Variants in ABCG1 observed in about 807,000 individuals in gnomAD.
ABCG1 encodes ATP binding cassette subfamily G member 1.
Under a neutral mutation model 69.2 loss-of-function variants are expected in ABCG1, and 29 were observed. The ratio of observed to expected loss-of-function variants is 0.42; its 90% CI spans 0.31 to 0.57. The LOEUF is 0.57. Ranked by LOEUF, ABCG1 falls within the 20% of genes least tolerant of loss-of-function variation. ABCG1 has a pLI of 0.15. For synonymous variants in ABCG1, 370 were observed against 374.8 expected (o/e 0.99, Z 0.15); for missense variants, 718 against 898.1 (o/e 0.80, Z 2.56).
chr21:42,250,469 G>A (rs1024451102), intron 2 of ABCG1, among the ~76,000 whole-genome samples: 1 of 152,198 alleles, frequency 6.6e-6, no homozygotes, highest in East Asian at 1.9e-4. Flanking sequence ...ATAGGCAGCC[G>A]CATGCAGTGG....
At chr21:42,201,738 G>T in intron 2 of ABCG1, 1 of 1,613,816 alleles carries the variant, frequency 6.2e-7, no homozygotes, top group Non-Finnish European at 8.5e-7. Flanking sequence ...GGTCAGAAGA[G>T]ACAGGGAAGG....
chr21:42,213,291 C>T (rs142121166), upstream of ABCG1, among the ~76,000 whole-genome samples: 209 of 152,360 alleles, frequency 1.4e-3, no homozygotes, highest in African/African-American at 4.7e-3. Context: ...TGCAGGACCT[C>T]GGCACCTGCT....
rs375311185 is a variant in ABCG1 at position 42,248,817 on chromosome 21, C to G, written c.287-22253C>G. ...AGTTACTTGGGGGGCTGAGGGAGGA[C>G]TTTTTGAGCCAGGGAGATTGAGGTT... On this transcript the variant is annotated intron_variant, in intron 2 of 14. Coordinates refer to ENST00000398449, the MANE Select transcript of ABCG1 (RefSeq NM_016818.3). Among the ~76,000 whole-genome samples the G allele has an allele frequency of 9.5e-5, 14 of 147,400 alleles. 1 individual carries two copies. The highest frequency in any genetic ancestry group is 2.1e-4 in the Admixed American group (3 of 14,486).
chr21:42,259,544 G>T, intron 2 of ABCG1: 4 of 1,526,360 alleles, frequency 2.6e-6, no homozygotes, highest in Non-Finnish European at 3.5e-6. Flanking sequence ...GTCATCATGT[G>T]GGCCCTCAGG....
At chr21:42,218,013 C>G (rs892346948), upstream of ABCG1, among the ~76,000 whole-genome samples, 4 of 152,086 alleles carry the variant, frequency 2.6e-5, no homozygotes, top group Non-Finnish European at 4.4e-5. Flanking sequence ...GCAAGGCCTC[C>G]CACTTAAACT....
upstream of ABCG1, among the ~76,000 whole-genome samples, chr21:42,212,808 C>A (rs768327734): frequency 1.4e-4 from 22 of 151,868 alleles, no homozygotes; most frequent in Non-Finnish European, 2.4e-4. Flanking sequence ...ATTCTCCTGC[C>A]TCAGCCTCCC....
chr21:42,233,987 T>C lies in ABCG1; in HGVS notation c.286+8073T>C, dbSNP rs181459392. The stretch of plus-strand genomic sequence containing the variant: ...CAGGAGTTTTTATGGGATTTCTCAG[T>C]TGTTATTTCTCTCCTCCCACTGTTT... On this transcript the variant is annotated intron_variant, in intron 2 of 14. Transcript: ENST00000398449. 2.4e-3 allele frequency among the ~76,000 whole-genome samples: 361 copies of C among 152,238 alleles called. 2 individuals carry two copies. The highest frequency in any genetic ancestry group is 8.2e-3 in the African/African-American group (342 of 41,470).
chr21:42,288,760 G>A lies in ABCG1; in HGVS notation c.1224+448G>A, dbSNP rs1330001841. ...GGGAAAGGGAAAGGGAGAAAGGAAG[G>A]GAAGGGAAGGAAAGGAAAGGAAAAA... On this transcript the variant is annotated intron_variant, in intron 10 of 14. Coordinates refer to ENST00000398449, the MANE Select transcript of ABCG1 (RefSeq NM_016818.3). This position sits in a 1 kb window ranked among gnomAD's most constrained non-coding sequence, Gnocchi z 4.8. Among the ~76,000 whole-genome samples, 1 of 151,588 alleles carries A rather than the reference G, an allele frequency of 6.6e-6. No homozygotes were observed. The highest frequency in any genetic ancestry group is 1.5e-5 in the Non-Finnish European group (1 of 67,828).
chr21:42,285,781 T>C (rs986762765), intron 7 of ABCG1, 99 bp from the exon 8 acceptor site: 10 of 824,066 alleles, frequency 1.2e-5, no homozygotes, highest in Non-Finnish European at 1.9e-5. Context: ...GGCTGACTGA[T>C]TGATCGGTTG....
At chr21:42,256,918 C>T (rs991054404) in intron 2 of ABCG1, among the ~76,000 whole-genome samples, 3 of 152,240 alleles carry the variant, frequency 2.0e-5, no homozygotes, top group African/African-American at 7.2e-5. Context: ...CTCTTGCCGT[C>T]CTTCTCACAT....
chr21:42,219,016 C>G, upstream of ABCG1: 1 of 234,134 alleles, frequency 4.3e-6, no homozygotes. The surrounding 1 kb of genome is among the most constrained non-coding windows in gnomAD (Gnocchi z 5.3). Flanking sequence ...GTCCGCCGCC[C>G]CCAGCAGGAG....
intron 2 of ABCG1, among the ~76,000 whole-genome samples, chr21:42,210,301 G>A (rs1384596521): frequency 6.6e-6 from 1 of 152,166 alleles, no homozygotes; most frequent in South Asian, 2.1e-4. Flanking sequence ...TTGACCACAC[G>A]GAGTCAGGGG....
At chr21:42,256,531 T>C in intron 2 of ABCG1, 4 of 1,549,102 alleles carry the variant, frequency 2.6e-6, no homozygotes, top group Non-Finnish European at 3.5e-6. Flanking sequence ...TGATGAGAAA[T>C]AATGTCACAA....
In ABCG1 at chr21:42,219,751, T is replaced by A. The variant is rs1235915030; in HGVS notation, c.42+447T>A. On this transcript the variant is annotated intron_variant, in intron 1 of 14. Coordinates refer to ENST00000398449, the MANE Select transcript of ABCG1 (RefSeq NM_016818.3). This position sits in a 1 kb window ranked among gnomAD's most constrained non-coding sequence, Gnocchi z 5.3. ...TGTGGGCTTGGGGACCGGGGACTTC[T>A]CGCGCCATCCCCAGGAACGCCAGGC... is the stretch of plus-strand genomic sequence containing the variant. The A allele has an allele frequency of 7.5e-7, 1 of 1,340,650 alleles. No homozygotes were observed. The highest frequency in any genetic ancestry group is 1.5e-5 in the South Asian group (1 of 65,344). 83.0% of individuals were successfully genotyped at this position (1,340,650 alleles called of 1,614,324 possible). A position where few individuals can be genotyped will look rare whatever the true frequency, so the allele number is the denominator to read the frequency against.
chr21:42,247,247 G>A (rs145504287), intron 2 of ABCG1, among the ~76,000 whole-genome samples: 22 of 152,212 alleles, frequency 1.4e-4, no homozygotes, highest in African/African-American at 4.8e-4. Flanking sequence ...GCTCAGTCTT[G>A]GGGAGGAAAA....
intron 2 of ABCG1, among the ~76,000 whole-genome samples, chr21:42,229,598 T>G (rs2123541588): frequency 6.6e-6 from 1 of 152,252 alleles, no homozygotes; most frequent in Non-Finnish European, 1.5e-5. Flanking sequence ...CGAGTGCCTG[T>G]AATCCCAGCT....
intron 11 of ABCG1, 78 bp downstream of exon 11, chr21:42,290,296 A>T: frequency 4.0e-6 from 6 of 1,482,142 alleles, no homozygotes; most frequent in Non-Finnish European, 5.5e-6. Flanking sequence ...TCACGCCTTG[A>T]CCAACAGATG....
chr21:42,281,461 A>C (rs867993382), intron 5 of ABCG1, among the ~76,000 whole-genome samples: 1 of 152,216 alleles, frequency 6.6e-6, no homozygotes, highest in Non-Finnish European at 1.5e-5. Context: ...GAGTCGATAC[A>C]GGATCAATAA....
chr21:42,199,721 C>T (rs1400938448), exon 1 of ABCG1: 1 of 152,206 alleles, frequency 6.6e-6, no homozygotes, highest in African/African-American at 2.4e-5. Context: ...GTTTGGGGGG[C>T]TTTACATGCC....
Sources: allele counts gnomAD v4.1 joint callset (sites outside exome capture counted in the v4.1 genomes callset), GRCh38; gene constraint gnomAD v4.1.1; non-coding constraint Gnocchi (gnomAD v3.1); transcripts MANE v1.5; gene names NCBI Gene and HGNC (gene_info 2026-07-23, HGNC 2026-07-21).